The following RO60 variants were observed in gnomAD, a reference collection of about 807,000 sequenced individuals.
The protein encoded by RO60 is Ro60, Y RNA binding protein, also known as RNA-binding protein RO60.
RO60 carries 20 observed loss-of-function variants against 55.3 expected under a neutral mutation model. That is an observed-to-expected ratio of 0.36 (90% CI 0.25 to 0.53). The LOEUF is 0.53. Among genes scored for constraint, RO60 ranks in the 20% least tolerant of loss-of-function variants. RO60 has a pLI of 0.92. For synonymous variants in RO60, 213 were observed against 213.6 expected (o/e 1.00, Z 0.02); for missense variants, 558 against 646.6 (o/e 0.86, Z 1.49).
At chr1:193,063,943 T>C (rs1008541614) in intron 1 of RO60, among the ~76,000 whole-genome samples, 4 of 151,942 alleles carry the variant, frequency 2.6e-5, no homozygotes, top group Non-Finnish European at 5.9e-5. Context: ...AGTAGACACA[T>C]ATGGCAAGGT....
In RO60 at chr1:193,086,089, G is replaced by A; in HGVS notation, c.*1358G>A. ...AAATATTAATTGAAGATTTACTGAG[G>A]ATTTGTAAGGTCCTTCTCGCTGTTA... On this transcript the variant is annotated 3_prime_UTR_variant, in exon 9 of 9. Transcript: ENST00000400968. 1 of 926,280 alleles carries A rather than the reference G, an allele frequency of 1.1e-6. No individual in the cohort carries two copies. Among genetic ancestry groups the A allele is most frequent in the Non-Finnish European group, 1.3e-6 (1 of 776,384 alleles). 57.4% of individuals were successfully genotyped at this position (926,280 alleles called of 1,614,324 possible). A position where few individuals can be genotyped will look rare whatever the true frequency, so the allele number is the denominator to read the frequency against.
intron 2 of RO60, among the ~76,000 whole-genome samples, chr1:193,074,083 T>C (rs1415600470): frequency 2.6e-5 from 4 of 152,190 alleles, no homozygotes; most frequent in Admixed American, 1.3e-4. Context: ...TTTTTATGGC[T>C]GCATAGTATT....
At chr1:193,060,753 T>G (rs561222703) in intron 1 of RO60, among the ~76,000 whole-genome samples, 3 of 152,330 alleles carry the variant, frequency 2.0e-5, no homozygotes, top group South Asian at 4.1e-4. Flanking sequence ...TTTGTAACTT[T>G]CTTGAAGTTT....
At chr1:193,073,372 C>A (rs1395643036) in intron 2 of RO60, among the ~76,000 whole-genome samples, 1 of 152,136 alleles carries the variant, frequency 6.6e-6, no homozygotes, top group African/African-American at 2.4e-5. Flanking sequence ...TTCATGTGGC[C>A]TATACAATAT....
At chr1:193,061,221 T>C (rs1167192450) in intron 1 of RO60, among the ~76,000 whole-genome samples, 2 of 152,208 alleles carry the variant, frequency 1.3e-5, no homozygotes, top group Non-Finnish European at 2.9e-5. Context: ...TAGCATGCTG[T>C]CATTTTTGCC....
At position 193,091,071 on chromosome 1, in the gene RO60, G is replaced by A. The variant is rs1674838624; in HGVS notation, c.*6340G>A. Reference sequence around the variant, plus strand: ...TTTTCTATAACAAGTTATCCAACAGGTTGGACTTTGTAACATGATATCCAA... The same window carrying A: ...TTTTCTATAACAAGTTATCCAACAGATTGGACTTTGTAACATGATATCCAA... On this transcript the variant is annotated 3_prime_UTR_variant, in exon 9 of 9. Transcript: ENST00000400968. 6.6e-6 allele frequency: 1 copy of A among 152,254 alleles called. No individual in the cohort carries two copies. The highest frequency in any genetic ancestry group is 1.5e-5 in the Non-Finnish European group (1 of 68,108). The allele number at this position is 152,254 out of a possible 1,614,324, so 9.4% of individuals were successfully genotyped here.
At position 193,084,751 on chromosome 1, in the gene RO60, C is replaced by CCAGAGATCCATTGCCAT; in HGVS notation, c.*24_*40dup. Reference sequence around the variant, plus strand: ...ATTTAACCATAAGCAGCAGCACGATCCAGAGATCCATTGCCATCAGTGATC... The same window carrying CCAGAGATCCATTGCCAT: ...ATTTAACCATAAGCAGCAGCACGATCCAGAGATCCATTGCCATCAGAGATCCATTGCCATCAGTGATC... On this transcript the variant is annotated 3_prime_UTR_variant, in exon 9 of 9. Coordinates refer to ENST00000400968, the MANE Select transcript of RO60 (RefSeq NM_001173524.2). 6.2e-7 allele frequency: 1 copy of CCAGAGATCCATTGCCAT among 1,602,760 alleles called. No homozygotes were observed. The highest frequency in any genetic ancestry group is 8.5e-7 in the Non-Finnish European group (1 of 1,175,866).
At position 193,069,185 on chromosome 1, in the gene RO60, G is replaced by A. The variant is rs1558237518; in HGVS notation, c.131G>A (p.Gly44Glu). The part of the protein sequence containing the change: ...HRFLCFGSEG[G>E]TYYIKEQKLG... ...TTCTTATGTTTCGGTTCTGAAGGTG[G>A]GACTTATTATATCAAAGAACAGAAG... The change falls in exon 2 of 9, where the codon GGG becomes GAG. Residue 44 changes from glycine to glutamate, a missense_variant. Transcript: ENST00000400968. 6.2e-7 allele frequency: 1 copy of A among 1,614,148 alleles called. No homozygotes were observed. The highest frequency in any genetic ancestry group is 8.5e-7 in the Non-Finnish European group (1 of 1,180,034).
rs1318274099 is a variant in RO60 at position 193,085,079 on chromosome 1, A to C, written c.*348A>C. The C allele has an allele frequency of 4.6e-5, 69 of 1,496,754 alleles. No individual in the cohort carries two copies. In the East Asian group the frequency reaches 1.7e-3, roughly 37 times the overall value. The allele number at this position is 1,496,754 out of a possible 1,614,324, so 92.7% of individuals were successfully genotyped here. The stretch of plus-strand genomic sequence containing the variant: ...GTGTAATTCCACATCATGTTACTTG[A>C]GAAGTGCTTAACGTTTTCTTAAATG... On this transcript the variant is annotated 3_prime_UTR_variant, in exon 9 of 9. Coordinates refer to ENST00000400968, the MANE Select transcript of RO60 (RefSeq NM_001173524.2).
chr1:193,087,584 C>T lies in RO60; in HGVS notation c.*2853C>T, dbSNP rs1175637717. On this transcript the variant is annotated 3_prime_UTR_variant, in exon 9 of 9. Coordinates refer to ENST00000400968, the MANE Select transcript of RO60 (RefSeq NM_001173524.2). ...CCCTTTGACACCTCCTTTGCTTTAT[C>T]TAACTTACTGTGTGACTGTAGACAA... The T allele has an allele frequency of 1.3e-5, 2 of 152,054 alleles. No individual in the cohort carries two copies. Among genetic ancestry groups the T allele is most frequent in the African/African-American group, 4.8e-5 (2 of 41,418 alleles). The allele number at this position is 152,054 out of a possible 1,614,324, so 9.4% of individuals were successfully genotyped here. A position where few individuals can be genotyped will look rare whatever the true frequency, so the allele number is the denominator to read the frequency against.
rs2103055541 is a variant in RO60, at chr1:193,076,511, C to T, written c.812C>T (p.Ala271Val). ...NHLKSKEVWK[A>V]LLQEMPLTAL... ...ATGTTATTGCAATAGGTATGGAAGG[C>T]TTTGTTACAAGAAATGCCGCTTACT... The change falls in exon 4 of 9, where the codon GCT becomes GTT. Residue 271 changes from alanine to valine, a missense_variant. Transcript: ENST00000400968. 2 of 1,611,022 alleles carry T rather than the reference C, an allele frequency of 1.2e-6. No individual in the cohort carries two copies. The highest frequency in any genetic ancestry group is 1.7e-6 in the Non-Finnish European group (2 of 1,178,930).
chr1:193,084,662 G>A lies in RO60; in HGVS notation c.1548G>A (p.Met516Ile). 2 of 1,613,996 alleles carry A rather than the reference G, an allele frequency of 1.2e-6. No individual in the cohort carries two copies. Among genetic ancestry groups the A allele is most frequent in the Non-Finnish European group, 1.7e-6 (2 of 1,179,924 alleles). The change falls in exon 9 of 9, where the codon ATG becomes ATA. Residue 516 changes from methionine to isoleucine, a missense_variant. By Grantham distance (10) the Met-to-Ile change is conservative (BLOSUM62 1). Coordinates refer to ENST00000400968, the MANE Select transcript of RO60 (RefSeq NM_001173524.2). ...TTGCAGACCCAGATGATAGAGGCAT[G>A]TTGGATATGTGCGGCTTTGATACTG... ...FTIADPDDRG[M>I]LDMCGFDTGA...
chr1:193,067,269 T>C (rs1673178435), intron 1 of RO60, among the ~76,000 whole-genome samples: 1 of 147,720 alleles, frequency 6.8e-6, no homozygotes, highest in Non-Finnish European at 1.5e-5. Context: ...CACTGCAAGC[T>C]CCGCCTCCCG....
intron 5 of RO60, among the ~76,000 whole-genome samples, chr1:193,079,481 C>T (rs1012002648): frequency 6.6e-5 from 10 of 152,086 alleles, no homozygotes; most frequent in Non-Finnish European, 1.5e-5. Context: ...TATCCACATA[C>T]AAAAGAATGA....
At position 193,075,957 on chromosome 1, in the gene RO60, G is replaced by T; in HGVS notation, c.718G>T (p.Asp240Tyr). The change falls in exon 3 of 9, where the codon GAT (aspartate) becomes TAT (tyrosine). Residue 240 changes from aspartate to tyrosine, a missense_variant. Asp to Tyr is a radical substitution (Grantham distance 160, BLOSUM62 -3). Coordinates refer to ENST00000400968, the MANE Select transcript of RO60 (RefSeq NM_001173524.2). Reference sequence around the variant, plus strand: ...TGTAGAGAAAGTGAAGCGCACAAGAGATGAGCTAGAAGTCATTCATCTAAT... The same window carrying T: ...TGTAGAGAAAGTGAAGCGCACAAGATATGAGCTAGAAGTCATTCATCTAAT... ...EAVEKVKRTR[D>Y]ELEVIHLIEE... is the part of the protein sequence containing the mutation. The T allele has an allele frequency of 6.2e-7, 1 of 1,613,374 alleles. No homozygotes were observed. The highest frequency in any genetic ancestry group is 8.5e-7 in the Non-Finnish European group (1 of 1,179,614).
rs1370216387 is a variant in RO60, at chr1:193,059,991, C to G, written c.-22+215C>G. On this transcript the variant is annotated intron_variant, in intron 1 of 8. Coordinates refer to ENST00000400968, the MANE Select transcript of RO60 (RefSeq NM_001173524.2). This position sits in a 1 kb window ranked among gnomAD's most constrained non-coding sequence, Gnocchi z 4.9. Reference sequence around the variant, plus strand: ...TAGGGACATCCTCGCTAGGCCCGGCCGGACCATTCCTCAGGGTGGGCCCTT... The same window carrying G: ...TAGGGACATCCTCGCTAGGCCCGGCGGGACCATTCCTCAGGGTGGGCCCTT... The G allele has an allele frequency of 8.8e-6, 12 of 1,365,976 alleles. No homozygotes were observed. The highest frequency in any genetic ancestry group is 1.2e-5 in the Non-Finnish European group (12 of 1,021,562). The allele number at this position is 1,365,976 out of a possible 1,614,324, so 84.6% of individuals were successfully genotyped here.
intron 6 of RO60, 150 bp downstream of exon 6, chr1:193,081,630 T>A: frequency 3.6e-6 from 2 of 548,380 alleles, no homozygotes; most frequent in Non-Finnish European, 6.4e-6. Context: ...AAGATAATTG[T>A]GTAAAGCCAG....
chr1:193,071,834 ACC>A, intron 2 of RO60, among the ~76,000 whole-genome samples: 1 of 132,340 alleles, frequency 7.6e-6, no homozygotes, highest in Non-Finnish European at 1.7e-5. Flanking sequence ...ACATATATAT[ACC>A]TATATATGTA....
chr1:193,071,877 A>G (rs113499227), intron 2 of RO60, among the ~76,000 whole-genome samples: 4 of 149,484 alleles, frequency 2.7e-5, no homozygotes, highest in African/African-American at 7.3e-5. Flanking sequence ...TATATATAAT[A>G]TATATGTATG....
Sources: allele counts gnomAD v4.1 joint callset (sites outside exome capture counted in the v4.1 genomes callset), GRCh38; gene constraint gnomAD v4.1.1; non-coding constraint Gnocchi (gnomAD v3.1); transcripts MANE v1.5; gene names NCBI Gene and HGNC (gene_info 2026-07-23, HGNC 2026-07-21).